F5: variants seen among roughly 807,000 people sequenced by gnomAD.
F5 encodes coagulation factor V.
Under a neutral mutation model 216.4 loss-of-function variants are expected in F5, and 138 were observed. The observed-to-expected ratio is 0.64, with a 90% confidence interval of 0.56 to 0.73. F5 has a LOEUF of 0.73. F5 is among the 30% of genes least tolerant of loss of function. F5 has a pLI of 0.00. For missense variants in F5, 2,403 were observed against 2,674.0 expected (o/e 0.90, Z 2.24); for synonymous variants, 916 against 930.7 (o/e 0.98, Z 0.29).
At position 169,541,181 on chromosome 1, in the gene F5, G is replaced by T. The variant is rs368452320; in HGVS notation, c.3909C>A (p.Leu1303=). The T allele has an allele frequency of 6.2e-7, 1 of 1,608,444 alleles. No individual in the cohort carries two copies. The highest frequency in any genetic ancestry group is 8.5e-7 in the Non-Finnish European group (1 of 1,178,556). ...NLSPELSHMT[L]SPELSQTNLS... ...GGTTTGTCTGACTGAGTTCTGGAGA[G>T]AGAGTCATATGGCTGAGTTCTGGAG... Residue 1303 remains leucine, a synonymous_variant, in exon 13 of 25, where the codon CTC becomes CTA. Transcript: ENST00000367797.
At chr1:169,535,938 A>G (rs1485915142) in intron 14 of F5, among the ~76,000 whole-genome samples, 2 of 152,134 alleles carry the variant, frequency 1.3e-5, no homozygotes, top group Non-Finnish European at 2.9e-5. Flanking sequence ...GTTAGCAAAA[A>G]TGGCGGAAGT....
At chr1:169,569,598 T>C (rs1415396496) in intron 3 of F5, among the ~76,000 whole-genome samples, 1 of 152,100 alleles carries the variant, frequency 6.6e-6, no homozygotes. Context: ...AACCCTTTAG[T>C]GACAGCTTTT....
chr1:169,546,545 C>G lies in F5; in HGVS notation c.1659G>C (p.Glu553Asp). Residue 553 changes from glutamate to aspartate, a missense_variant, in exon 11 of 25, where the codon GAG (glutamate) becomes GAC (aspartate). Glu to Asp is a conservative substitution (Grantham distance 45). Transcript: ENST00000367797. ...TGTCCTCAAGGTACCAGCTTTTGTT[C>G]TCATCAAACACAGCAAACACAGCCT... ...EQQAVFAVFD[E>D]NKSWYLEDNI... The G allele has an allele frequency of 6.2e-7, 1 of 1,614,156 alleles. No homozygotes were observed. The highest frequency in any genetic ancestry group is 8.5e-7 in the Non-Finnish European group (1 of 1,179,998).
intron 17 of F5, among the ~76,000 whole-genome samples, chr1:169,526,462 A>G (rs1422743463): frequency 6.6e-6 from 1 of 152,150 alleles, no homozygotes; most frequent in African/African-American, 2.4e-5. Flanking sequence ...GTTTTCCATA[A>G]AGCTTACATA....
In F5 at chr1:169,542,475, C is replaced by T. The variant is rs1007167194; in HGVS notation, c.2615G>A (p.Arg872Lys). 1.2e-6 allele frequency: 2 copies of T among 1,614,120 alleles called. No individual in the cohort carries two copies. Among genetic ancestry groups the T allele is most frequent in the Non-Finnish European group, 1.7e-6 (2 of 1,179,996 alleles). ...HAKHKGPKVE[R>K]DQAAKHRFSW... ...GAACCTGTGCTTTGCTGCTTGATCT[C>T]TTTCTACCTTGGGTCCCTTATGCTT... The change falls in exon 13 of 25, where the codon AGA (arginine) becomes AAA (lysine). Residue 872 changes from arginine to lysine, a missense_variant. Physicochemically the swap from Arg to Lys is conservative, Grantham distance 26. Around this residue, in one of 4 missense-constraint regions of F5, gnomAD observed 1,425 missense variants for 1,554.8 expected, o/e 0.92. Transcript: ENST00000367797.
At position 169,553,679 on chromosome 1, in the gene F5, G is replaced by A. The variant is rs554008243; in HGVS notation, c.1119-945C>T. On this transcript the variant is annotated intron_variant, in intron 7 of 24. Coordinates refer to ENST00000367797, the MANE Select transcript of F5 (RefSeq NM_000130.5). ...GGAGCTTGCAGTGAGCAGAGATTGC[G>A]CCACTGCACTCCAGCCTGGGCGACA... 9.2e-5 allele frequency among the ~76,000 whole-genome samples: 14 copies of A among 152,320 alleles called. No homozygotes were observed. In the South Asian group the frequency reaches 2.1e-3, roughly 23 times the overall value.
chr1:169,532,357 G>A (rs1659610003), intron 14 of F5, among the ~76,000 whole-genome samples: 1 of 152,024 alleles, frequency 6.6e-6, no homozygotes, highest in African/African-American at 2.4e-5. Flanking sequence ...CAGCAATCAA[G>A]CAAGAGAAAG....
chr1:169,536,337 G>A (rs1204005372), intron 14 of F5, among the ~76,000 whole-genome samples, 169 bp downstream of exon 14: 1 of 150,020 alleles, frequency 6.7e-6, no homozygotes, highest in Non-Finnish European at 1.5e-5. Flanking sequence ...TTTTTAGTTC[G>A]AAGATTGCCA....
At chr1:169,532,143 A>G (rs2101812394) in intron 14 of F5, among the ~76,000 whole-genome samples, 1 of 152,330 alleles carries the variant, frequency 6.6e-6, no homozygotes, top group South Asian at 2.1e-4. Context: ...GATAAAACCT[A>G]ACATCCCTTC....
At chr1:169,520,383 A>G (rs1659268802) in intron 22 of F5, 137 bp downstream of exon 22, 2 of 1,051,502 alleles carry the variant, frequency 1.9e-6, no homozygotes. Context: ...TTACCTGAGT[A>G]GAACCTCTGT....
At position 169,542,334 on chromosome 1, in the gene F5, G is replaced by A. The variant is rs774750553; in HGVS notation, c.2756C>T (p.Ser919Phe). The change falls in exon 13 of 25, where the codon TCC (serine) becomes TTC (phenylalanine). Residue 919 changes from serine (S) to phenylalanine (F), a missense_variant. Ser to Phe is a radical substitution (Grantham distance 155, BLOSUM62 -2). This residue lies in a region of F5 where 1,425 missense variants were observed against 1,554.8 expected (regional missense o/e 0.92). Transcript: ENST00000367797. ...DLPSQDTGSP[S>F]RMRPWKDPPS... ...AGGGTCCTTCCAGGGCCTCATTCTGGAAGGAGAACCAGTGTCTTGGCTAGG... is the reference window on the plus strand; with the variant it reads ...AGGGTCCTTCCAGGGCCTCATTCTGAAAGGAGAACCAGTGTCTTGGCTAGG... 1 of 1,599,910 alleles carries A rather than the reference G, an allele frequency of 6.3e-7. No homozygotes were observed. Among genetic ancestry groups the A allele is most frequent in the South Asian group, 1.1e-5 (1 of 89,992 alleles).
At chr1:169,518,301 A>T in intron 23 of F5, 111 bp downstream of exon 23, 13 of 1,309,118 alleles carry the variant, frequency 9.9e-6, no homozygotes, top group Non-Finnish European at 1.3e-5. Flanking sequence ...TTTAATCTGC[A>T]GAAACAGATT....
At position 169,540,697 on chromosome 1, in the gene F5, A is replaced by G. The variant is rs771515178; in HGVS notation, c.4393T>C (p.Tyr1465His). 36 of 1,613,944 alleles carry G rather than the reference A, an allele frequency of 2.2e-5. No homozygotes were observed. The highest frequency in any genetic ancestry group is 2.9e-5 in the Non-Finnish European group (34 of 1,179,972). Residue 1465 changes from tyrosine to histidine, a missense_variant, in exon 13 of 25, where the codon TAC becomes CAC. Physicochemically the swap from Tyr to His is moderately conservative, Grantham distance 83. This residue lies in a region of F5 where 293 missense variants were observed against 270.8 expected (regional missense o/e 1.08). Coordinates refer to ENST00000367797, the MANE Select transcript of F5 (RefSeq NM_000130.5). ...SPPPDLDQIF[Y>H]PSESSQSLLL... ...AATGACTGACTAGATTCAGAAGGGT[A>G]GAATATCTGATCAAGGTCTGGAGGA... is the stretch of plus-strand genomic sequence containing the variant.
chr1:169,531,601 G>A (rs1455765171), intron 14 of F5, among the ~76,000 whole-genome samples: 1 of 152,092 alleles, frequency 6.6e-6, no homozygotes, highest in Non-Finnish European at 1.5e-5. Flanking sequence ...GAGCAGGGGA[G>A]TAAAGGAAGA....
chr1:169,565,361 A>G (rs1660574502), intron 3 of F5, among the ~76,000 whole-genome samples: 1 of 152,036 alleles, frequency 6.6e-6, no homozygotes, highest in African/African-American at 2.4e-5. Flanking sequence ...CTCAAGGAAA[A>G]GTGCTGGATT....
chr1:169,557,830 G>T (rs1660368169), intron 5 of F5, among the ~76,000 whole-genome samples: 2 of 152,110 alleles, frequency 1.3e-5, no homozygotes, highest in Non-Finnish European at 2.9e-5. Context: ...CCATGCCAAA[G>T]AAATGCTTAT....
chr1:169,559,018 A>T, intron 5 of F5, 135 bp downstream of exon 5: 6 of 907,326 alleles, frequency 6.6e-6, no homozygotes, highest in Non-Finnish European at 8.6e-6. Flanking sequence ...AAAAAAAAAG[A>T]GAAAATATTT....
intron 4 of F5, 71 bp from the exon 5 acceptor site, chr1:169,559,367 A>G: frequency 6.6e-7 from 1 of 1,509,078 alleles, no homozygotes; most frequent in South Asian, 1.1e-5. Flanking sequence ...CTGGATAGCA[A>G]AGAGTTTAGG....
At chr1:169,556,047 G>A (rs1342608549) in intron 6 of F5, among the ~76,000 whole-genome samples, 3 of 152,126 alleles carry the variant, frequency 2.0e-5, no homozygotes, top group Non-Finnish European at 4.4e-5. Context: ...AAAATGTGTA[G>A]TAGAACAATC....
Sources: allele counts gnomAD v4.1 joint callset (sites outside exome capture counted in the v4.1 genomes callset), GRCh38; gene constraint gnomAD v4.1.1; regional missense constraint gnomAD v4.1.1; transcripts MANE v1.5; gene names NCBI Gene and HGNC (gene_info 2026-07-23, HGNC 2026-07-21).